Variants in MED13L observed in about 807,000 individuals in gnomAD.
MED13L encodes mediator of RNA polymerase II transcription subunit 13-like.
A neutral mutation model predicts 220.9 loss-of-function variants in MED13L; 7 were observed. The ratio of observed to expected loss-of-function variants is 0.03; its 90% CI spans 0.02 to 0.06. The LOEUF (loss-of-function observed/expected upper bound fraction) is 0.06. MED13L is among the 10% of genes least tolerant of loss of function. The pLI is 1.00. For missense variants in MED13L, 1,965 were observed against 2,760.5 expected (o/e 0.71, Z 6.46); for synonymous variants, 1,011 against 1,015.2 (o/e 1.00, Z 0.08).
intron 2 of MED13L, among the ~76,000 whole-genome samples, chr12:116,163,483 GCCT>G (rs1879033641): frequency 6.6e-6 from 1 of 151,384 alleles, no homozygotes; most frequent in Non-Finnish European, 1.5e-5. Flanking sequence ...TCCTGCCTCA[GCCT>G]CCTGAGTAGC....
intron 2 of MED13L, among the ~76,000 whole-genome samples, chr12:116,144,429 T>C (rs1009087079): frequency 1.3e-5 from 2 of 152,172 alleles, no homozygotes; most frequent in Non-Finnish European, 2.9e-5. Context: ...CTGAGTTTGG[T>C]CTGAGAATCT....
intron 1 of MED13L, among the ~76,000 whole-genome samples, chr12:116,260,235 T>C (rs564638369): frequency 6.6e-6 from 1 of 152,326 alleles, no homozygotes; most frequent in South Asian, 2.1e-4. Context: ...GAAGGCTGAA[T>C]TAATTTACAG....
intron 13 of MED13L, among the ~76,000 whole-genome samples, chr12:116,004,696 T>TC (rs56104972): frequency 0.25 from 37,629 of 151,896 alleles, 4,780 homozygotes; most frequent in Middle Eastern, 0.32. Context: ...CTAATGTCCC[T>TC]CCCCCTTCCT....
intron 1 of MED13L, among the ~76,000 whole-genome samples, chr12:116,256,682 C>CTTTTTTT (rs35608298): frequency 2.2e-4 from 21 of 96,236 alleles, no homozygotes; most frequent in East Asian, 3.1e-4. Context: ...AAACAAACTA[C>CTTTTTTT]TTTTTTTTTT....
At chr12:116,055,360 T>C (rs935407656) in intron 4 of MED13L, among the ~76,000 whole-genome samples, 8 of 152,218 alleles carry the variant, frequency 5.3e-5, no homozygotes, top group African/African-American at 1.9e-4. Context: ...AGAAAGTTCA[T>C]TGCAAGTCGG....
intron 2 of MED13L, among the ~76,000 whole-genome samples, chr12:116,131,278 A>C (rs1328030549): frequency 6.6e-6 from 1 of 152,252 alleles, no homozygotes; most frequent in African/African-American, 2.4e-5. Context: ...AAATAATCAA[A>C]CATAATCCAT....
chr12:116,055,763 G>A (rs530748648), intron 4 of MED13L, among the ~76,000 whole-genome samples: 14 of 152,038 alleles, frequency 9.2e-5, no homozygotes, highest in South Asian at 2.1e-4. Context: ...GCTTGATAGC[G>A]GGTGCCTGTA....
At chr12:116,127,224 T>C (rs1288281831) in intron 2 of MED13L, among the ~76,000 whole-genome samples, 3 of 152,324 alleles carry the variant, frequency 2.0e-5, no homozygotes, top group East Asian at 3.9e-4. Flanking sequence ...TCTTGGGAGC[T>C]ATATTAGATC....
intron 8 of MED13L, among the ~76,000 whole-genome samples, chr12:116,014,186 G>C (rs1341004603): frequency 6.6e-6 from 1 of 152,160 alleles, no homozygotes; most frequent in African/African-American, 2.4e-5. Context: ...GTATGAAATT[G>C]CTAAAAGCTG....
chr12:116,218,001 G>A (rs184365175), intron 2 of MED13L, among the ~76,000 whole-genome samples: 9 of 152,176 alleles, frequency 5.9e-5, no homozygotes, highest in Admixed American at 1.3e-4. Flanking sequence ...CAACATAGTC[G>A]TCTAGCACTC....
intron 4 of MED13L, among the ~76,000 whole-genome samples, chr12:116,062,835 G>A (rs926300935): frequency 2.6e-5 from 4 of 152,132 alleles, no homozygotes; most frequent in African/African-American, 9.7e-5. Context: ...TCACAGACCA[G>A]CACACAACAT....
At chr12:116,070,957 T>C (rs1870320323) in intron 4 of MED13L, among the ~76,000 whole-genome samples, 1 of 152,180 alleles carries the variant, frequency 6.6e-6, no homozygotes, top group African/African-American at 2.4e-5. Context: ...TATAAACTAA[T>C]GATATTAATT....
chr12:116,244,818 G>A (rs1870965020), intron 1 of MED13L, among the ~76,000 whole-genome samples: 1 of 152,092 alleles, frequency 6.6e-6, no homozygotes, highest in Admixed American at 6.6e-5. Context: ...CAAGCATGGC[G>A]CTGCTTGCCT....
chr12:116,059,923 T>C (rs1193247400), intron 4 of MED13L, among the ~76,000 whole-genome samples: 1 of 152,204 alleles, frequency 6.6e-6, no homozygotes, highest in Admixed American at 6.5e-5. Flanking sequence ...TATTACTTTT[T>C]ACATAATACA....
intron 25 of MED13L, among the ~76,000 whole-genome samples, chr12:115,974,016 T>C (rs1363175201): frequency 2.0e-5 from 3 of 152,064 alleles, no homozygotes; most frequent in South Asian, 4.1e-4. Context: ...TTAGGGATTC[T>C]ACAAATACCT....
At chr12:115,996,781 T>C (rs1878433549) in intron 15 of MED13L, 100 bp from the exon 16 acceptor site, 1 of 1,116,572 alleles carries the variant, frequency 9.0e-7, no homozygotes, top group African/African-American at 1.5e-5. Flanking sequence ...AAAATGATCG[T>C]ATTTCAGTAT....
chr12:116,119,418 G>A (rs955180680), intron 2 of MED13L, among the ~76,000 whole-genome samples: 4 of 152,070 alleles, frequency 2.6e-5, no homozygotes, highest in Non-Finnish European at 5.9e-5. Flanking sequence ...CAGTTCTGTA[G>A]CGCCGATTGT....
At chr12:116,252,557 C>G (rs1209461056) in intron 1 of MED13L, among the ~76,000 whole-genome samples, 2 of 151,470 alleles carry the variant, frequency 1.3e-5, no homozygotes, top group African/African-American at 4.9e-5. Flanking sequence ...AATAAAAGGG[C>G]ATAAAATCAG....
chr12:116,187,661 T>C (rs1880983588), intron 2 of MED13L, among the ~76,000 whole-genome samples: 1 of 152,160 alleles, frequency 6.6e-6, no homozygotes, highest in Non-Finnish European at 1.5e-5. Context: ...GATATAACTA[T>C]GCTAATCATA....
Sources: allele counts gnomAD v4.1 joint callset (sites outside exome capture counted in the v4.1 genomes callset), GRCh38; gene constraint gnomAD v4.1.1; transcripts MANE v1.5; gene names NCBI Gene and HGNC (gene_info 2026-07-23, HGNC 2026-07-21).